The following MAP3K20 variants were observed in gnomAD, a reference collection of about 807,000 sequenced individuals.
MAP3K20 encodes mitogen-activated protein kinase kinase kinase 20.
Under a neutral mutation model 85.7 loss-of-function variants are expected in MAP3K20, and 40 were observed. The observed-to-expected ratio is 0.47, with a 90% confidence interval of 0.36 to 0.61. The LOEUF is 0.61. Among genes scored for constraint, MAP3K20 ranks in the 20% least tolerant of loss-of-function variants. The pLI is 0.00. For synonymous variants in MAP3K20, 325 were observed against 327.7 expected, an observed-to-expected ratio of 0.99 and a Z score of 0.09; for missense variants, 817 against 961.7, an observed-to-expected ratio of 0.85 and a Z score of 1.99.
intron 14 of MAP3K20, among the ~76,000 whole-genome samples, chr2:173,235,380 C>T (rs534011784): frequency 1.1e-4 from 16 of 152,158 alleles, no homozygotes; most frequent in Non-Finnish European, 2.1e-4. Context: ...AACTGTTATC[C>T]CCCACCTGGG....
chr2:173,266,882 A>G lies in MAP3K20; in HGVS notation c.*132A>G. 2 of 942,606 alleles carry G rather than the reference A, an allele frequency of 2.1e-6. No individual in the cohort carries two copies. Among genetic ancestry groups the G allele is most frequent in the Admixed American group, 7.1e-5 (2 of 28,224 alleles). 58.4% of individuals were successfully genotyped at this position (942,606 alleles called of 1,614,324 possible). A position where few individuals can be genotyped will look rare whatever the true frequency, so the allele number is the denominator to read the frequency against. On this transcript the variant is annotated 3_prime_UTR_variant, in exon 20 of 20. Coordinates refer to ENST00000375213, the MANE Select transcript of MAP3K20 (RefSeq NM_016653.3). ...ACACTTCCAGTTTTTGGATTGGGAA[A>G]TACCTTCTAATTGAGACTATAGCCA...
chr2:173,184,584 AG>A (rs1245701542), intron 4 of MAP3K20, among the ~76,000 whole-genome samples: 4 of 152,190 alleles, frequency 2.6e-5, no homozygotes, highest in Admixed American at 2.0e-4. Flanking sequence ...GCTCTGCATC[AG>A]AAGGGCAAGG....
intron 2 of MAP3K20, among the ~76,000 whole-genome samples, chr2:173,167,870 C>T (rs1349029309): frequency 6.6e-6 from 1 of 152,104 alleles, no homozygotes; most frequent in Non-Finnish European, 1.5e-5. Flanking sequence ...TTAATGATCA[C>T]AAAATTCAGG....
chr2:173,119,464 A>G (rs1302359337), intron 2 of MAP3K20, among the ~76,000 whole-genome samples: 2 of 152,220 alleles, frequency 1.3e-5, no homozygotes, highest in African/African-American at 4.8e-5. Context: ...AAAAGCATAT[A>G]GGAAACAGGT....
chr2:173,167,137 G>C (rs1156855682), intron 2 of MAP3K20, among the ~76,000 whole-genome samples: 1 of 151,506 alleles, frequency 6.6e-6, no homozygotes, highest in Non-Finnish European at 1.5e-5. Flanking sequence ...GGATGGTCTC[G>C]ACCTCCTGAC....
chr2:173,239,432 A>G lies in MAP3K20; in HGVS notation c.1295A>G (p.Glu432Gly). The G allele has an allele frequency of 1.9e-6, 3 of 1,613,558 alleles. No individual in the cohort carries two copies. The highest frequency in any genetic ancestry group is 2.5e-6 in the Non-Finnish European group (3 of 1,179,880). ...TCAGGAGGTGAACCTGAAGAAAATG[A>G]GGAAAAAATAGTGAACCTGGAACTG... The part of the protein sequence containing the change: ...KDSGGEPEEN[E>G]EKIVNLELVF... Residue 432 changes from glutamate (E) to glycine (G), a missense_variant, in exon 16 of 20, where the codon GAG (glutamate) becomes GGG (glycine). Physicochemically the swap from Glu to Gly is moderately conservative, Grantham distance 98. This residue lies in a region of MAP3K20 where 454 missense variants were observed against 476.9 expected (regional missense o/e 0.95). Transcript: ENST00000375213.
At chr2:173,253,100 G>A (rs951217710) in intron 16 of MAP3K20, among the ~76,000 whole-genome samples, 5 of 151,984 alleles carry the variant, frequency 3.3e-5, no homozygotes, top group African/African-American at 1.2e-4. Context: ...AGTGAGACGC[G>A]CTGACCCAGC....
intron 2 of MAP3K20, among the ~76,000 whole-genome samples, chr2:173,111,504 A>G (rs1687973615): frequency 6.6e-6 from 1 of 152,236 alleles, no homozygotes; most frequent in Admixed American, 6.5e-5. Context: ...TGCCTAAGCC[A>G]ATGTCTAGAA....
intron 2 of MAP3K20, among the ~76,000 whole-genome samples, chr2:173,133,028 A>G (rs542920485): frequency 1.8e-4 from 27 of 152,324 alleles, no homozygotes; most frequent in Middle Eastern, 3.4e-3. Flanking sequence ...CAGTCCTTCA[A>G]TGTTTCTCTA....
intron 2 of MAP3K20, among the ~76,000 whole-genome samples, chr2:173,128,392 G>T (rs1475248387): frequency 1.3e-5 from 2 of 151,910 alleles, no homozygotes; most frequent in African/African-American, 4.8e-5. Context: ...GAGTTCAGTG[G>T]CATGATGTCG....
At chr2:173,243,822 A>G (rs1351190792) in intron 16 of MAP3K20, among the ~76,000 whole-genome samples, 1 of 152,030 alleles carries the variant, frequency 6.6e-6, no homozygotes, top group African/African-American at 2.4e-5. Flanking sequence ...ACGGGGTTTC[A>G]CCGTGTTAGT....
In MAP3K20 at chr2:173,232,325, T is replaced by C. The variant is rs759912465; in HGVS notation, c.1069T>C (p.Ser357Pro). 2 of 1,614,230 alleles carry C rather than the reference T, an allele frequency of 1.2e-6. No homozygotes were observed. Among genetic ancestry groups the C allele is most frequent in the Admixed American group, 1.7e-5 (1 of 60,030 alleles). The change falls in exon 14 of 20, where the codon TCT (serine) becomes CCT (proline). Residue 357 changes from serine to proline, a missense_variant. Physicochemically the swap from Ser to Pro is moderately conservative, Grantham distance 74. Around this residue, in one of 4 missense-constraint regions of MAP3K20, gnomAD observed 158 missense variants for 162.0 expected, o/e 0.98. Transcript: ENST00000375213. Reference sequence around the variant, plus strand: ...TTTCTAATCACTTCCTTCAGGTGACTCTTCAGCAGAGATGAGTGTATATGC... The same window carrying C: ...TTTCTAATCACTTCCTTCAGGTGACCCTTCAGCAGAGATGAGTGTATATGC... ...WVQQLVRKGD[S>P]SAEMSVYASL...
intron 2 of MAP3K20, among the ~76,000 whole-genome samples, chr2:173,148,927 C>A (rs1689216545): frequency 6.6e-6 from 1 of 152,156 alleles, no homozygotes; most frequent in Admixed American, 6.5e-5. Context: ...TCCTGCTCTC[C>A]CAGATTGAGC....
chr2:173,221,609 CAG>C, intron 11 of MAP3K20: 1 of 1,381,094 alleles, frequency 7.2e-7, no homozygotes, highest in Non-Finnish European at 9.4e-7. Context: ...TGTACAAAAA[CAG>C]TAAGGAGGCA....
chr2:173,260,647 T>C (rs1044288025), intron 17 of MAP3K20, among the ~76,000 whole-genome samples: 1 of 152,258 alleles, frequency 6.6e-6, no homozygotes, highest in African/African-American at 2.4e-5. Context: ...AGAGCGATTG[T>C]TGAAGCCACT....
At chr2:173,141,947 C>T (rs1029954092) in intron 2 of MAP3K20, among the ~76,000 whole-genome samples, 1 of 152,050 alleles carries the variant, frequency 6.6e-6, no homozygotes, top group Non-Finnish European at 1.5e-5. Context: ...AAGATAACTG[C>T]CATTTTAGAG....
At chr2:173,135,337 A>G (rs1559246598) in intron 2 of MAP3K20, among the ~76,000 whole-genome samples, 2 of 152,182 alleles carry the variant, frequency 1.3e-5, no homozygotes. Flanking sequence ...AGAGTAATTG[A>G]CATGTTAAAA....
intron 3 of MAP3K20, among the ~76,000 whole-genome samples, chr2:173,178,615 G>T (rs577317192): frequency 1.3e-5 from 2 of 152,284 alleles, no homozygotes; most frequent in African/African-American, 4.8e-5. Context: ...CTGCACTCCA[G>T]CCTGGGCAAA....
At chr2:173,224,037 GA>G in intron 11 of MAP3K20, 1 of 981,120 alleles carries the variant, frequency 1.0e-6, no homozygotes, top group South Asian at 4.7e-5. Context: ...ATAGCTAGAT[GA>G]AAATCTTTGC....
Sources: gnomAD v4.1 joint callset for allele counts (sites outside exome capture counted in the v4.1 genomes callset) on GRCh38, gnomAD v4.1.1 for gene constraint, gnomAD v4.1.1 regional missense constraint, MANE v1.5 for transcripts, NCBI Gene and HGNC (gene_info 2026-07-23, HGNC 2026-07-21) for gene names.